Variants in NKAIN3 observed in about 807,000 individuals in gnomAD.
The protein encoded by NKAIN3 is sodium/potassium transporting ATPase interacting 3.
A neutral mutation model predicts 30.2 loss-of-function variants in NKAIN3; 25 were observed. The ratio of observed to expected loss-of-function variants is 0.83; its 90% CI spans 0.60 to 1.16. The LOEUF (loss-of-function observed/expected upper bound fraction) is 1.16, where lower values mean the gene tolerates loss of function less well. Ranked by LOEUF, NKAIN3 falls within the 50% of genes most tolerant of loss-of-function variation. The pLI, the probability that NKAIN3 is intolerant of heterozygous loss-of-function variation, is 0.00. For synonymous variants in NKAIN3, 91 were observed against 89.6 expected (o/e 1.02, Z -0.09); for missense variants, 225 against 254.1 (o/e 0.89, Z 0.78).
chr8:62,711,376 T>TCTTA (rs1437783322), intron 3 of NKAIN3, among the ~76,000 whole-genome samples: 1 of 152,150 alleles, frequency 6.6e-6, no homozygotes, highest in Non-Finnish European at 1.5e-5. Context: ...CACCGATTAT[T>TCTTA]CTTAGGTTTG....
At chr8:62,944,118 A>G (rs1823056406) in intron 5 of NKAIN3, among the ~76,000 whole-genome samples, 2 of 152,126 alleles carry the variant, frequency 1.3e-5, no homozygotes, top group South Asian at 4.1e-4. Flanking sequence ...GAACTTACCC[A>G]TGTAACCAAA....
chr8:62,729,040 C>CAAAAAAAAAAAAAAAAAAAAAAA (rs1317282077), intron 3 of NKAIN3, among the ~76,000 whole-genome samples: 1 of 61,192 alleles, frequency 1.6e-5, no homozygotes, highest in African/African-American at 7.1e-5. Flanking sequence ...AAAAAAAAAA[C>CAAAAAAAAAAAAAAAAAAAAAAA]AAAAAAAAAA....
intron 4 of NKAIN3, among the ~76,000 whole-genome samples, chr8:62,888,550 G>T (rs1057051353): frequency 3.3e-5 from 5 of 152,126 alleles, no homozygotes; most frequent in African/African-American, 1.2e-4. Flanking sequence ...TGGGAGCAGT[G>T]GTTTGCCCTG....
chr8:62,815,046 G>A (rs1473879130), intron 4 of NKAIN3, among the ~76,000 whole-genome samples: 2 of 151,944 alleles, frequency 1.3e-5, no homozygotes, highest in Non-Finnish European at 2.9e-5. Flanking sequence ...TATCACCACC[G>A]ATCCCACAGA....
At chr8:62,808,524 G>A (rs763128775) in intron 4 of NKAIN3, among the ~76,000 whole-genome samples, 13 of 152,164 alleles carry the variant, frequency 8.5e-5, no homozygotes, top group South Asian at 4.2e-4. Context: ...AGTGTCGACC[G>A]GTCTGAGAAA....
intron 3 of NKAIN3, among the ~76,000 whole-genome samples, chr8:62,613,325 G>A (rs1307280992): frequency 2.0e-5 from 3 of 152,024 alleles, no homozygotes; most frequent in Non-Finnish European, 2.9e-5. Context: ...TTCCTTCAGG[G>A]CTTTAAATAT....
At chr8:62,506,476 C>CTTTCTTCCTTTT (rs71559373) in intron 1 of NKAIN3, among the ~76,000 whole-genome samples, 1 of 98,438 alleles carries the variant, frequency 1.0e-5, no homozygotes, top group Non-Finnish European at 1.9e-5. Flanking sequence ...TTCTTTCTTT[C>CTTTCTTCCTTTT]TTTTTTTTTT....
At chr8:62,699,908 A>T (rs1234016427) in intron 3 of NKAIN3, among the ~76,000 whole-genome samples, 1 of 152,204 alleles carries the variant, frequency 6.6e-6, no homozygotes, top group African/African-American at 2.4e-5. Flanking sequence ...TCAAGGCAGG[A>T]GGATCACTTG....
At chr8:62,986,739 C>T (rs760708592), downstream of NKAIN3, among the ~76,000 whole-genome samples, 7 of 151,842 alleles carry the variant, frequency 4.6e-5, no homozygotes, top group South Asian at 2.1e-4. Context: ...GAGCTTAGAC[C>T]CTCCCCCATC....
intron 4 of NKAIN3, among the ~76,000 whole-genome samples, chr8:62,817,412 T>C (rs1463951757): frequency 6.6e-6 from 1 of 152,186 alleles, no homozygotes; most frequent in Non-Finnish European, 1.5e-5. Flanking sequence ...GTGGGAAGTT[T>C]TAGTTTTTCC....
At chr8:62,362,828 T>A (rs1816608866) in intron 1 of NKAIN3, among the ~76,000 whole-genome samples, 1 of 152,164 alleles carries the variant, frequency 6.6e-6, no homozygotes, top group Non-Finnish European at 1.5e-5. Flanking sequence ...AAGTGAGATA[T>A]AGAAATCGGA....
chr8:62,871,530 A>G (rs1344604305), intron 4 of NKAIN3, among the ~76,000 whole-genome samples: 1 of 152,216 alleles, frequency 6.6e-6, no homozygotes, highest in Non-Finnish European at 1.5e-5. Context: ...CAAATGAACA[A>G]TATTATTAAC....
At chr8:62,741,360 AAAGAAGG>A (rs1461753243) in intron 3 of NKAIN3, among the ~76,000 whole-genome samples, 10 of 120,120 alleles carry the variant, frequency 8.3e-5, no homozygotes, top group Non-Finnish European at 1.4e-4. Context: ...AAAGAGAGAG[AAAGAAGG>A]AAGGAAGGAA....
At chr8:62,896,506 C>T (rs1229331673) in intron 4 of NKAIN3, among the ~76,000 whole-genome samples, 1 of 152,092 alleles carries the variant, frequency 6.6e-6, no homozygotes, top group Non-Finnish European at 1.5e-5. Context: ...AGATTTTTTC[C>T]ACCGTAAGTT....
chr8:62,786,341 A>G (rs760760193), intron 4 of NKAIN3, among the ~76,000 whole-genome samples: 2 of 152,104 alleles, frequency 1.3e-5, no homozygotes, highest in Non-Finnish European at 2.9e-5. Context: ...TAATATTTTT[A>G]TTAAGTGTCT....
chr8:62,636,601 C>T (rs988216185), intron 3 of NKAIN3, among the ~76,000 whole-genome samples: 1 of 152,152 alleles, frequency 6.6e-6, no homozygotes, highest in Admixed American at 6.6e-5. Flanking sequence ...TAAAAGGTCT[C>T]GTAGAGAATA....
At position 62,644,434 on chromosome 8, in the gene NKAIN3, G is replaced by GT. The variant is rs10706663; in HGVS notation, c.273+54648dup. Among the ~76,000 whole-genome samples the GT allele has an allele frequency of 3.0e-4, 46 of 151,686 alleles. 1 individual carries two copies. The highest frequency in any genetic ancestry group is 8.9e-4 in the African/African-American group (37 of 41,358). On this transcript the variant is annotated intron_variant, in intron 3 of 6. Transcript: ENST00000623646. ...TCTTTTTTTGAAGAAGGCTAATAGT[G>GT]TTTTTTTTAAGCCTTTCAAAATGAC...
rs536465566 is a variant in NKAIN3, at chr8:62,699,656, T to G, written c.274-47276T>G. ...TTCATGCTTGTCCTATCCTTTGGTG[T>G]TGTTATAGGAAGATATTTAAACTTG... On this transcript the variant is annotated intron_variant, in intron 3 of 6. Transcript: ENST00000623646. 1.1e-4 allele frequency among the ~76,000 whole-genome samples: 16 copies of G among 152,334 alleles called. No homozygotes were observed. The East Asian group carries it at 2.1e-3, about 20-fold the overall frequency.
At chr8:62,628,560 G>T (rs1325391925) in intron 3 of NKAIN3, among the ~76,000 whole-genome samples, 7 of 151,976 alleles carry the variant, frequency 4.6e-5, no homozygotes. Context: ...CTAAATCATT[G>T]TTAAGTAATT....
Sources: gnomAD v4.1 joint callset for allele counts (sites outside exome capture counted in the v4.1 genomes callset) on GRCh38, gnomAD v4.1.1 for gene constraint, MANE v1.5 for transcripts, NCBI Gene and HGNC (gene_info 2026-07-23, HGNC 2026-07-21) for gene names.